The following SLC4A10 variants were observed in gnomAD, a reference collection of about 807,000 sequenced individuals.
SLC4A10 encodes the protein solute carrier family 4 member 10, also known as sodium-driven chloride bicarbonate exchanger.
In SLC4A10, 42 loss-of-function variants were observed where a neutral mutation model predicts 137.7. The ratio of observed to expected loss-of-function variants is 0.30; its 90% CI spans 0.24 to 0.39. The LOEUF is 0.39. Ranked by LOEUF, SLC4A10 falls within the 10% of genes least tolerant of loss-of-function variation. The pLI, the probability that SLC4A10 is intolerant of heterozygous loss-of-function variation, is 1.00. For synonymous variants in SLC4A10, 474 were observed against 464.1 expected, an observed-to-expected ratio of 1.02 and a Z score of -0.27; for missense variants, 925 against 1,355.0, an observed-to-expected ratio of 0.68 and a Z score of 4.98.
At chr2:161,698,251 A>G (rs1210153345) in intron 1 of SLC4A10, among the ~76,000 whole-genome samples, 1 of 152,236 alleles carries the variant, frequency 6.6e-6, no homozygotes, top group Non-Finnish European at 1.5e-5. Flanking sequence ...TGTTATCTGC[A>G]AACAGGACAA....
At chr2:161,641,867 T>C (rs1002948938) in intron 1 of SLC4A10, among the ~76,000 whole-genome samples, 1 of 152,034 alleles carries the variant, frequency 6.6e-6, no homozygotes. Flanking sequence ...TGAAGCTGCC[T>C]CATAATTCAG....
intron 2 of SLC4A10, 86 bp from the exon 3 acceptor site, chr2:161,804,363 A>G (rs556073380): frequency 6.5e-6 from 9 of 1,391,142 alleles, no homozygotes; most frequent in African/African-American, 5.8e-5. Flanking sequence ...ATTAAATTAA[A>G]TTGAGTCTCC....
At chr2:161,695,388 G>C (rs1355157794) in intron 1 of SLC4A10, among the ~76,000 whole-genome samples, 1 of 151,884 alleles carries the variant, frequency 6.6e-6, no homozygotes, top group Non-Finnish European at 1.5e-5. Context: ...AGAGAGAAGA[G>C]TAATTTTAAA....
chr2:161,834,127 G>C (rs759691074), intron 3 of SLC4A10, among the ~76,000 whole-genome samples: 2 of 152,228 alleles, frequency 1.3e-5, no homozygotes, highest in Non-Finnish European at 2.9e-5. Flanking sequence ...TGGTAGTCCA[G>C]CTAAAGGGAG....
chr2:161,775,605 A>G (rs2052225119), intron 2 of SLC4A10, among the ~76,000 whole-genome samples: 1 of 151,878 alleles, frequency 6.6e-6, no homozygotes, highest in South Asian at 2.1e-4. Flanking sequence ...GCCACTCTAT[A>G]CTGAGCCTTA....
intron 15 of SLC4A10, 59 bp from the exon 16 acceptor site, chr2:161,942,733 C>T (rs981377569): frequency 7.6e-7 from 1 of 1,323,996 alleles, no homozygotes; most frequent in South Asian, 1.3e-5. Context: ...ATACATTAGT[C>T]TTCGGTACAG....
intron 2 of SLC4A10, among the ~76,000 whole-genome samples, chr2:161,771,937 G>GT (rs1431218547): frequency 4.0e-5 from 6 of 151,640 alleles, no homozygotes; most frequent in African/African-American, 1.2e-4. Flanking sequence ...AGAGGTAAGG[G>GT]TTTTTTCATT....
intron 21 of SLC4A10, among the ~76,000 whole-genome samples, chr2:161,962,112 G>A (rs1696826028): frequency 6.6e-6 from 1 of 152,142 alleles, no homozygotes. Flanking sequence ...CCAGCAGCAC[G>A]TTACTGTCTT....
intron 1 of SLC4A10, among the ~76,000 whole-genome samples, chr2:161,714,697 G>T (rs956727354): frequency 1.3e-5 from 2 of 151,986 alleles, no homozygotes; most frequent in African/African-American, 4.8e-5. Flanking sequence ...TAGGGCTCCA[G>T]AGCGGGACTC....
chr2:161,746,694 C>T (rs2048419669), intron 1 of SLC4A10, among the ~76,000 whole-genome samples: 1 of 152,108 alleles, frequency 6.6e-6, no homozygotes, highest in South Asian at 2.1e-4. Context: ...TGCTGGGTTA[C>T]ACCTGAAGCT....
chr2:161,930,077 G>A (rs1199514307), intron 15 of SLC4A10, among the ~76,000 whole-genome samples: 1 of 152,020 alleles, frequency 6.6e-6, no homozygotes, highest in Non-Finnish European at 1.5e-5. Flanking sequence ...TACCTTTTAG[G>A]ACCAAGATCT....
At chr2:161,720,062 A>G (rs2045459480) in intron 1 of SLC4A10, among the ~76,000 whole-genome samples, 1 of 152,166 alleles carries the variant, frequency 6.6e-6, no homozygotes, top group Non-Finnish European at 1.5e-5. Flanking sequence ...ATCTTGAATT[A>G]ATTTTTGTAT....
chr2:161,638,870 T>A (rs1481388282), intron 1 of SLC4A10, among the ~76,000 whole-genome samples: 1 of 31,852 alleles, frequency 3.1e-5, no homozygotes, highest in Non-Finnish European at 9.2e-5. Flanking sequence ...TTTCTTTTTT[T>A]TAAGATAAAA....
chr2:161,974,459 G>A, intron 24 of SLC4A10, 143 bp downstream of exon 24: 1 of 580,736 alleles, frequency 1.7e-6, no homozygotes, highest in Non-Finnish European at 2.8e-6. Context: ...AGATAACATG[G>A]GTCCTACTGC....
At chr2:161,977,502 T>G (rs1369307189) in intron 25 of SLC4A10, among the ~76,000 whole-genome samples, 1 of 152,112 alleles carries the variant, frequency 6.6e-6, no homozygotes, top group African/African-American at 2.4e-5. Context: ...GATTTCCAAG[T>G]GAATCTTCTA....
intron 19 of SLC4A10, among the ~76,000 whole-genome samples, 181 bp downstream of exon 19, chr2:161,951,029 A>G (rs1694708855): frequency 1.3e-5 from 2 of 152,174 alleles, no homozygotes; most frequent in Non-Finnish European, 2.9e-5. Context: ...GAATTTACTT[A>G]TTTGTAGCAC....
intron 1 of SLC4A10, among the ~76,000 whole-genome samples, chr2:161,685,595 G>T (rs1174270000): frequency 1.4e-5 from 2 of 147,608 alleles, no homozygotes; most frequent in Non-Finnish European, 3.0e-5. Context: ...GTGACAGAGG[G>T]AGAGTCTGTC....
At chr2:161,828,633 T>G (rs1052799666) in intron 3 of SLC4A10, among the ~76,000 whole-genome samples, 4 of 147,180 alleles carry the variant, frequency 2.7e-5, no homozygotes, top group African/African-American at 7.4e-5. Flanking sequence ...TTGGAATTTT[T>G]GCTTTTCTTC....
At chr2:161,872,756 C>A (rs901246813) in intron 7 of SLC4A10, among the ~76,000 whole-genome samples, 2 of 152,168 alleles carry the variant, frequency 1.3e-5, no homozygotes. Context: ...CTCTGTCACC[C>A]AGGCTGGAAT....
Sources: gnomAD v4.1 joint callset for allele counts (sites outside exome capture counted in the v4.1 genomes callset) on GRCh38, gnomAD v4.1.1 for gene constraint, MANE v1.5 for transcripts, NCBI Gene and HGNC (gene_info 2026-07-23, HGNC 2026-07-21) for gene names.